The following NME8 variants were observed in gnomAD, a reference collection of about 807,000 sequenced individuals.
NME8 encodes protein NME8.
In NME8, 72 loss-of-function variants were observed where a neutral mutation model predicts 82.3. The observed-to-expected ratio is 0.87, with a 90% CI of 0.72 to 1.06. The LOEUF is 1.06. Among genes scored for constraint, NME8 ranks in the 50% least tolerant of loss-of-function variants. The probability of loss-of-function intolerance (pLI) is 0.00; values close to 1 mark genes in which losing one functional copy is unlikely to be tolerated. For synonymous variants in NME8, 267 were observed against 228.5 expected, an observed-to-expected ratio of 1.17 and a Z score of -1.52; for missense variants, 712 against 685.4, an observed-to-expected ratio of 1.04 and a Z score of -0.43.
intron 11 of NME8, among the ~76,000 whole-genome samples, chr7:37,874,543 A>T (rs1040987759): frequency 4.6e-5 from 7 of 152,184 alleles, no homozygotes; most frequent in African/African-American, 1.7e-4. Flanking sequence ...AGTATAGTAA[A>T]ACTTCCACAT....
At chr7:37,884,012 C>T (rs1785004071) in intron 12 of NME8, among the ~76,000 whole-genome samples, 1 of 151,926 alleles carries the variant, frequency 6.6e-6, no homozygotes, top group African/African-American at 2.4e-5. Flanking sequence ...CATTCACATG[C>T]ATACACCCAA....
chr7:37,850,553 C>A, intron 4 of NME8, 76 bp from the exon 5 acceptor site: 2 of 1,505,418 alleles, frequency 1.3e-6, no homozygotes, highest in South Asian at 1.1e-5. Flanking sequence ...TTTGCCCTGG[C>A]CATGGCTCCA....
At position 37,848,828 on chromosome 7, in the gene NME8, G is replaced by A; in HGVS notation, c.-236G>A. ...TGCCCCCCTTCTTCTTCCCAGACAG[G>A]CAGGGAATCCCTCTTCTTCCTTTTG... On this transcript the variant is annotated 5_prime_UTR_variant, in exon 2 of 18. Coordinates refer to ENST00000199447, the MANE Select transcript of NME8 (RefSeq NM_016616.5). 1 of 152,416 alleles carries A rather than the reference G, an allele frequency of 6.6e-6. No homozygotes were observed. Among genetic ancestry groups the A allele is most frequent in the Non-Finnish European group, 1.5e-5 (1 of 68,134 alleles). 9.4% of individuals were successfully genotyped at this position (152,416 alleles called of 1,614,324 possible). A position where few individuals can be genotyped will look rare whatever the true frequency, so the allele number is the denominator to read the frequency against.
rs188200296 is a variant in NME8 at position 37,888,157 on chromosome 7, A to G, written c.1248-120A>G. The G allele has an allele frequency of 1.6e-4, 157 of 989,920 alleles. 2 individuals carry two copies. Among genetic ancestry groups the G allele is most frequent in the Non-Finnish European group, 1.6e-6 (1 of 630,070 alleles). 61.3% of individuals were successfully genotyped at this position (989,920 alleles called of 1,614,324 possible). A position where few individuals can be genotyped will look rare whatever the true frequency, so the allele number is the denominator to read the frequency against. On this transcript the variant is annotated intron_variant, in intron 14 of 17. Coordinates refer to ENST00000199447, the MANE Select transcript of NME8 (RefSeq NM_016616.5). ...CCGCCATGTACTTACTTCCTTTTGC[A>G]CAGTGTCAAGATCTGGAATTATTTG...
chr7:37,862,142 C>T lies in NME8; in HGVS notation c.385C>T (p.Gln129Ter). The change falls in exon 7 of 18, where the codon CAG becomes TAG. Residue 129 changes from glutamine (Q) to a stop codon, truncating the protein, a stop_gained and splice_region_variant. Transcript: ENST00000199447. LOFTEE classifies it high-confidence loss of function. ...KIAAGEMARP[Q>*]YPEIPLVDSD... ...TGCAGCAGGTGAAATGGCTCGACCT[C>T]AGGTAATACTTTGGATTAACAACAG... 1.3e-6 allele frequency: 2 copies of T among 1,592,136 alleles called. No individual in the cohort carries two copies. Among genetic ancestry groups the T allele is most frequent in the Non-Finnish European group, 8.6e-7 (1 of 1,160,128 alleles).
At chr7:37,860,083 AC>A (rs1421725253) in intron 6 of NME8, among the ~76,000 whole-genome samples, 2 of 152,212 alleles carry the variant, frequency 1.3e-5, no homozygotes, top group Admixed American at 1.3e-4. Context: ...GTTGAAAGAT[AC>A]TTTTTAGTTG....
chr7:37,876,221 TATATATATATAG>T (rs1378123197), intron 11 of NME8, among the ~76,000 whole-genome samples: 1 of 128,788 alleles, frequency 7.8e-6, no homozygotes, highest in African/African-American at 3.4e-5. Flanking sequence ...AAACACTATA[TATATATATATAG>T]ATAGATAGAT....
intron 10 of NME8, 152 bp downstream of exon 10, chr7:37,865,769 C>A (rs768966409): frequency 1.2e-4 from 74 of 641,194 alleles, no homozygotes; most frequent in Admixed American, 6.3e-4. Context: ...CATGGAGATG[C>A]CAATGATAGT....
Position 37,874,984 on chromosome 7 carries a change from G to C in NME8, c.819-1848G>C, listed in dbSNP as rs1459139747. 2.6e-5 allele frequency among the ~76,000 whole-genome samples: 4 copies of C among 152,248 alleles called. No homozygotes were observed. In the East Asian group the frequency reaches 7.7e-4, roughly 29 times the overall value. ...CATCATACACCTCCTATGTGATGGA[G>C]CAAGTAACGGACCAAGAAGGACGCA... On this transcript the variant is annotated intron_variant, in intron 11 of 17. Coordinates refer to ENST00000199447, the MANE Select transcript of NME8 (RefSeq NM_016616.5).
In NME8 at chr7:37,894,532, C is replaced by T; in HGVS notation, c.1466C>T (p.Thr489Ile). 1 of 1,612,424 alleles carries T rather than the reference C, an allele frequency of 6.2e-7. No individual in the cohort carries two copies. Among genetic ancestry groups the T allele is most frequent in the Non-Finnish European group, 8.5e-7 (1 of 1,178,802 alleles). The change falls in exon 16 of 18, where the codon ACT becomes ATT. Residue 489 changes from threonine to isoleucine, a missense_variant. Coordinates refer to ENST00000199447, the MANE Select transcript of NME8 (RefSeq NM_016616.5). ...DLTQVKKMFL[T>I]PEQIEKIYPK... ...ACACAGGTGAAGAAAATGTTCCTAA[C>T]TCCTGAGCAAATAGAGAAAATTTAT...
intron 11 of NME8, among the ~76,000 whole-genome samples, chr7:37,869,454 C>T (rs972632503): frequency 1.4e-4 from 22 of 152,226 alleles, no homozygotes; most frequent in Admixed American, 1.2e-3. Context: ...ATTAATGTGA[C>T]GAGTGAAGTC....
At chr7:37,898,395 A>G (rs1360853459) in intron 17 of NME8, among the ~76,000 whole-genome samples, 2 of 152,220 alleles carry the variant, frequency 1.3e-5, no homozygotes, top group African/African-American at 2.4e-5. Flanking sequence ...AACTGAAAAC[A>G]GGGACTCAAA....
intron 11 of NME8, among the ~76,000 whole-genome samples, chr7:37,873,048 A>T (rs1784792689): frequency 6.6e-6 from 1 of 152,240 alleles, no homozygotes; most frequent in African/African-American, 2.4e-5. Flanking sequence ...TAGTTACTGA[A>T]TGAGGCAAAC....
intron 11 of NME8, among the ~76,000 whole-genome samples, chr7:37,870,171 G>A (rs1784746280): frequency 6.6e-6 from 1 of 151,410 alleles, no homozygotes; most frequent in Admixed American, 6.6e-5. Context: ...GGCTTCCCTG[G>A]GGCACACTGG....
At chr7:37,882,579 GAAAGAAAGAAAGAA>G (rs1784968000) in intron 12 of NME8, among the ~76,000 whole-genome samples, 2 of 47,318 alleles carry the variant, frequency 4.2e-5, no homozygotes, top group African/African-American at 1.6e-4. Flanking sequence ...AAGAAAGAAA[GAAAGAAAGAAAGAA>G]AGAAAGAGAG....
chr7:37,880,868 G>A (rs2722336), intron 12 of NME8, among the ~76,000 whole-genome samples: 71,025 of 151,600 alleles, frequency 0.47, 17,025 homozygotes, highest in East Asian at 0.74. Flanking sequence ...ATAGATTTTT[G>A]CCCATGTATT....
intron 11 of NME8, 78 bp from the exon 12 acceptor site, chr7:37,876,754 C>T: frequency 3.9e-6 from 4 of 1,034,688 alleles, no homozygotes; most frequent in Non-Finnish European, 4.4e-6. Context: ...AATTTCTGAA[C>T]ATATCAGATT....
rs1485430281 is a variant in NME8 at position 37,863,459 on chromosome 7, G to T, written c.451G>T (p.Val151Phe). Reference protein sequence around the residue: ...EVSEESPCESVQELYSIAIIK... With the variant: ...EVSEESPCESFQELYSIAIIK... Reference sequence around the variant, plus strand: ...TAGTGAAGAATCACCATGTGAAAGTGTTCGTAAGTAAATTTACTTCAAAGT... The same window carrying T: ...TAGTGAAGAATCACCATGTGAAAGTTTTCGTAAGTAAATTTACTTCAAAGT... The change falls in exon 8 of 18, where the codon GTT (valine) becomes TTT (phenylalanine). Residue 151 changes from valine (V) to phenylalanine (F), a missense_variant. Val to Phe is a conservative substitution (Grantham distance 50). Transcript: ENST00000199447. 1.3e-6 allele frequency: 2 copies of T among 1,585,340 alleles called. No individual in the cohort carries two copies.
At chr7:37,873,810 T>C (rs1354490308) in intron 11 of NME8, among the ~76,000 whole-genome samples, 1 of 152,262 alleles carries the variant, frequency 6.6e-6, no homozygotes, top group Non-Finnish European at 1.5e-5. Context: ...TCACTAATGT[T>C]GATTAGGAGT....
Sources: gnomAD v4.1 joint callset for allele counts (sites outside exome capture counted in the v4.1 genomes callset) on GRCh38, gnomAD v4.1.1 for gene constraint, MANE v1.5 for transcripts, NCBI Gene and HGNC (gene_info 2026-07-23, HGNC 2026-07-21) for gene names.